The following MTCL1 variants were observed in gnomAD, a reference collection of about 807,000 sequenced individuals.
The protein encoded by MTCL1 is microtubule crosslinking factor 1.
A neutral mutation model predicts 141.4 loss-of-function variants in MTCL1; 79 were observed. The observed-to-expected ratio is 0.56, with a 90% CI of 0.47 to 0.67. MTCL1 has a LOEUF of 0.67. MTCL1 is among the 30% of genes least tolerant of loss of function. MTCL1 has a pLI of 0.00. For synonymous variants in MTCL1, 914 were observed against 875.8 expected, an observed-to-expected ratio of 1.04 and a Z score of -0.77; for missense variants, 2,177 against 2,113.9, an observed-to-expected ratio of 1.03 and a Z score of -0.59.
chr18:8,729,872 C>T (rs1179174508), intron 4 of MTCL1, among the ~76,000 whole-genome samples: 1 of 151,936 alleles, frequency 6.6e-6, no homozygotes, highest in African/African-American at 2.4e-5. Flanking sequence ...AAGCTCTGTG[C>T]CTAACCCTAC....
exon 15 of MTCL1, chr18:8,825,299 C>T (rs758907212): frequency 1.3e-6 from 2 of 1,541,888 alleles, no homozygotes; most frequent in South Asian, 2.6e-5. Context: ...CCCTCTGTAC[C>T]TCCCTGGGGT....
chr18:8,796,211 G>C (rs775335694), intron 8 of MTCL1, 21 bp from the exon 8 acceptor site: 1 of 1,612,336 alleles, frequency 6.2e-7, no homozygotes, highest in Non-Finnish European at 8.5e-7. Flanking sequence ...TTGTCACACT[G>C]TCTCTCTTAT....
exon 15 of MTCL1, chr18:8,825,994 G>A: frequency 6.2e-7 from 1 of 1,602,992 alleles, no homozygotes; most frequent in Non-Finnish European, 8.5e-7. Context: ...AGGTCGCCTA[G>A]CCCCATTGGG....
chr18:8,805,121 A>ATATATATATAT (rs1555667527), intron 10 of MTCL1, among the ~76,000 whole-genome samples: 5 of 150,754 alleles, frequency 3.3e-5, no homozygotes, highest in African/African-American at 7.3e-5. Context: ...ATATATATAG[A>ATATATATATAT]ATTTTAGGTT....
rs942960812 is a variant in MTCL1, at chr18:8,829,815, C to T, written c.*18+851C>T. ...CCATGCAGCGACCACAGTGGCTTCT[C>T]GGGAAAGCGCAGCATCGTTTGCTTG... On this transcript the variant is annotated intron_variant, in intron 16 of 16. Transcript: ENST00000359865. 5.1e-6 allele frequency: 5 copies of T among 985,118 alleles called. No individual in the cohort carries two copies. The African/African-American group carries it at 5.2e-5, about 10-fold the overall frequency. 61.0% of individuals were successfully genotyped at this position (985,118 alleles called of 1,614,324 possible). A position where few individuals can be genotyped will look rare whatever the true frequency, so the allele number is the denominator to read the frequency against.
At chr18:8,759,561 G>A (rs1567988041) in intron 4 of MTCL1, among the ~76,000 whole-genome samples, 1 of 152,168 alleles carries the variant, frequency 6.6e-6, no homozygotes, top group Non-Finnish European at 1.5e-5. Context: ...GAGAGTTGGA[G>A]AGGTTCTCAC....
intron 10 of MTCL1, among the ~76,000 whole-genome samples, chr18:8,803,193 G>C (rs961960476): frequency 2.6e-5 from 4 of 151,560 alleles, no homozygotes; most frequent in East Asian, 1.9e-4. Context: ...AAAGAAAAAG[G>C]CTTGGCAGGG....
chr18:8,826,173 C>G lies in MTCL1; in HGVS notation c.4663C>G (p.Pro1555Ala), dbSNP rs2077020150. ...GAGGAGGCAGGCTGCCCACGGGCCC[C>G]CGGGTCTCCACAGTGACAGCCACTC... Residue 1555 changes from proline (P) to alanine (A), a missense_variant, in exon 15 of 17, where the codon CCG (proline) becomes GCG (alanine). Coordinates refer to ENST00000359865, the Ensembl canonical transcript of MTCL1. The G allele has an allele frequency of 6.2e-7, 1 of 1,612,368 alleles. No homozygotes were observed. The highest frequency in any genetic ancestry group is 1.3e-5 in the African/African-American group (1 of 75,030).
chr18:8,824,618 C>G (rs927073827), intron 14 of MTCL1, 81 bp from the exon 14 acceptor site: 1 of 1,259,828 alleles, frequency 7.9e-7, no homozygotes, highest in Non-Finnish European at 1.1e-6. Flanking sequence ...TGACACTTCT[C>G]ATGCAGGGCA....
intron 10 of MTCL1, among the ~76,000 whole-genome samples, chr18:8,798,762 G>A (rs1252812018): frequency 2.0e-5 from 3 of 152,156 alleles, no homozygotes; most frequent in South Asian, 4.1e-4. Flanking sequence ...AAAAATTAAT[G>A]TATAAAGAGA....
Position 8,783,878 on chromosome 18 carries a change from G to A in MTCL1, c.766G>A (p.Ala256Thr), listed in dbSNP as rs757292748. 2.4e-5 allele frequency: 39 copies of A among 1,613,034 alleles called. No homozygotes were observed. The Admixed American group carries it at 2.5e-4, about 10-fold the overall frequency. Residue 256 changes from alanine to threonine, a missense_variant, in exon 6 of 17, where the codon GCA becomes ACA. Transcript: ENST00000359865. ...GCGGGAGGGCCCGGGTCGGGACCAC[G>A]CACCCAGCATTCCTACCTCACCCTT...
intron 4 of MTCL1, among the ~76,000 whole-genome samples, chr18:8,770,713 G>T (rs2096481972): frequency 6.6e-6 from 1 of 152,190 alleles, no homozygotes; most frequent in Non-Finnish European, 1.5e-5. Flanking sequence ...ATGAGTGGGT[G>T]CCCAACACAT....
At chr18:8,829,551 A>G (rs2077130549) in intron 16 of MTCL1, 11 of 980,912 alleles carry the variant, frequency 1.1e-5, no homozygotes, top group Non-Finnish European at 1.3e-5. Context: ...CCCACTCCAA[A>G]TATCTTGAGA....
exon 6 of MTCL1, chr18:8,784,771 C>T (rs1454664312): frequency 1.2e-6 from 2 of 1,614,080 alleles, no homozygotes; most frequent in Admixed American, 3.3e-5. Context: ...CTAGCTTCCT[C>T]TCCACTGTGA....
At chr18:8,798,828 A>G (rs1422919313) in intron 10 of MTCL1, among the ~76,000 whole-genome samples, 4 of 152,218 alleles carry the variant, frequency 2.6e-5, no homozygotes, top group Non-Finnish European at 5.9e-5. Context: ...CCACAGAAAT[A>G]GACTCTACTT....
chr18:8,712,474 G>A (rs752620597), upstream of MTCL1, among the ~76,000 whole-genome samples: 6 of 152,224 alleles, frequency 3.9e-5, no homozygotes, highest in African/African-American at 9.6e-5. Context: ...GGAGAGGAGC[G>A]CAAGCAGTGC....
chr18:8,714,928 C>G (rs2096118416), upstream of MTCL1, among the ~76,000 whole-genome samples: 1 of 152,120 alleles, frequency 6.6e-6, no homozygotes, highest in African/African-American at 2.4e-5. Context: ...TCCCGAGTAG[C>G]TGGGACTACA....
chr18:8,819,248 C>T (rs55676538), exon 13 of MTCL1: 33,407 of 1,614,056 alleles, frequency 0.021, 419 homozygotes, highest in Non-Finnish European at 0.025. Flanking sequence ...GTTCAGGAAC[C>T]GCCTCCCTGA....
chr18:8,789,926 A>T (rs2075661048), intron 7 of MTCL1, among the ~76,000 whole-genome samples: 2 of 152,212 alleles, frequency 1.3e-5, no homozygotes, highest in Non-Finnish European at 2.9e-5. Context: ...TGTTTTTTGT[A>T]ACATTGGAGT....
Sources: gnomAD v4.1 joint callset for allele counts (sites outside exome capture counted in the v4.1 genomes callset) on GRCh38, gnomAD v4.1.1 for gene constraint, MANE v1.5 for transcripts, NCBI Gene and HGNC (gene_info 2026-07-23, HGNC 2026-07-21) for gene names.